ANKFY1: variants seen among roughly 807,000 people sequenced by gnomAD.
ANKFY1 encodes ankyrin repeat and FYVE domain containing 1.
Under a neutral mutation model 128.3 loss-of-function variants are expected in ANKFY1, and 47 were observed. That is an observed-to-expected ratio of 0.37 (90% CI 0.29 to 0.47). The LOEUF (loss-of-function observed/expected upper bound fraction) is 0.47, where lower values mean the gene tolerates loss of function less well. Ranked by LOEUF, ANKFY1 falls within the 20% of genes least tolerant of loss-of-function variation. The probability of loss-of-function intolerance (pLI) is 1.00; values close to 1 mark genes in which losing one functional copy is unlikely to be tolerated. For missense variants in ANKFY1, 1,222 were observed against 1,510.6 expected (o/e 0.81, Z 3.17); for synonymous variants, 553 against 601.6 (o/e 0.92, Z 1.18).
chr17:4,200,914 A>C (rs932248766), intron 7 of ANKFY1, among the ~76,000 whole-genome samples: 8 of 152,248 alleles, frequency 5.3e-5, no homozygotes, highest in Middle Eastern at 3.4e-3. Flanking sequence ...ATGGGGTTTC[A>C]GGAGTGGTAA....
At chr17:4,217,983 C>G (rs1258621743) in intron 3 of ANKFY1, among the ~76,000 whole-genome samples, 3 of 152,168 alleles carry the variant, frequency 2.0e-5, no homozygotes, top group African/African-American at 7.2e-5. Context: ...TTCACCCAGC[C>G]TGAGTTAACA....
intron 3 of ANKFY1, chr17:4,223,957 G>T: frequency 1.8e-6 from 1 of 549,716 alleles, no homozygotes; most frequent in Non-Finnish European, 3.2e-6. Flanking sequence ...TTTAGAATCT[G>T]AACTTTTTAA....
chr17:4,218,421 G>T lies in ANKFY1; in HGVS notation c.323-1303C>A, dbSNP rs143078776. 6.2e-3 allele frequency among the ~76,000 whole-genome samples: 940 copies of T among 152,256 alleles called. 5 individuals carry two copies. The highest frequency in any genetic ancestry group is 0.01 in the Middle Eastern group (3 of 294). On this transcript the variant is annotated intron_variant, in intron 3 of 24. Transcript: ENST00000341657. ...TCAACATAAGATATTTACTACATAG[G>T]CTTTTTGAAAAGTAGGCTAAAAATA...
chr17:4,197,613 CA>C (rs760783585), intron 7 of ANKFY1, 36 bp from the exon 8 acceptor site: 2 of 1,592,950 alleles, frequency 1.3e-6, no homozygotes, highest in Non-Finnish European at 1.7e-6. Context: ...AGTGTCAGGG[CA>C]AAGTATTCTG....
chr17:4,254,004 T>C (rs1967980285), intron 1 of ANKFY1, among the ~76,000 whole-genome samples: 2 of 152,220 alleles, frequency 1.3e-5, no homozygotes, highest in East Asian at 3.9e-4. Context: ...TGTTCATGTA[T>C]CCTTGTAAGA....
At chr17:4,204,605 G>A (rs2059989342) in intron 7 of ANKFY1, among the ~76,000 whole-genome samples, 1 of 152,160 alleles carries the variant, frequency 6.6e-6, no homozygotes, top group East Asian at 1.9e-4. Context: ...GGCAATTCTT[G>A]TATCTAAGCA....
At chr17:4,195,890 G>T (rs1406898825) in intron 8 of ANKFY1, among the ~76,000 whole-genome samples, 1 of 151,994 alleles carries the variant, frequency 6.6e-6, no homozygotes, top group African/African-American at 2.4e-5. Flanking sequence ...AAGAACTGAT[G>T]AAAGCGGCAT....
intron 1 of ANKFY1, among the ~76,000 whole-genome samples, chr17:4,254,402 A>C (rs1968009725): frequency 6.6e-6 from 1 of 151,862 alleles, no homozygotes; most frequent in African/African-American, 2.4e-5. Flanking sequence ...AGAAATTTGA[A>C]GATGCTGTCC....
At chr17:4,239,602 A>C (rs1598130747) in intron 2 of ANKFY1, among the ~76,000 whole-genome samples, 1 of 152,012 alleles carries the variant, frequency 6.6e-6, no homozygotes, top group African/African-American at 2.4e-5. Context: ...GCAGTGGCAC[A>C]ATCTCAGCTC....
At chr17:4,171,607 C>T (rs932235509) in intron 22 of ANKFY1, among the ~76,000 whole-genome samples, 2 of 152,182 alleles carry the variant, frequency 1.3e-5, no homozygotes, top group African/African-American at 4.8e-5. Context: ...CTCTGTAAAC[C>T]GGGGACCTCA....
chr17:4,228,598 G>C (rs1215764972), intron 3 of ANKFY1, among the ~76,000 whole-genome samples: 1 of 152,024 alleles, frequency 6.6e-6, no homozygotes, highest in African/African-American at 2.4e-5. Flanking sequence ...TGTATTTTTA[G>C]TAGAGATGGG....
At position 4,216,795 on chromosome 17, in the gene ANKFY1, C is replaced by G. The variant is rs899925939; in HGVS notation, c.458+188G>C. 6 of 734,594 alleles carry G rather than the reference C, an allele frequency of 8.2e-6. No individual in the cohort carries two copies. The African/African-American group carries it at 8.7e-5, about 11-fold the overall frequency. 45.5% of individuals were successfully genotyped at this position (734,594 alleles called of 1,614,324 possible). ...GTGAAAGAAAAGAGAATAGCAAAAG[C>G]TTTAGCAAAATTTAGCTACAAGATA... On this transcript the variant is annotated intron_variant, in intron 4 of 24. Coordinates refer to ENST00000341657, the MANE Select transcript of ANKFY1 (RefSeq NM_001330063.2).
intron 4 of ANKFY1, among the ~76,000 whole-genome samples, chr17:4,212,216 A>G (rs1274304904): frequency 6.6e-6 from 1 of 152,238 alleles, no homozygotes; most frequent in Non-Finnish European, 1.5e-5. Context: ...ATTTCCTGAC[A>G]TCCACCATTG....
At chr17:4,189,713 G>A (rs1309085773) in intron 10 of ANKFY1, among the ~76,000 whole-genome samples, 5 of 152,034 alleles carry the variant, frequency 3.3e-5, no homozygotes, top group Non-Finnish European at 7.4e-5. Flanking sequence ...GCCCACGCCA[G>A]ACAGTAGGCC....
intron 1 of ANKFY1, among the ~76,000 whole-genome samples, chr17:4,243,859 T>C (rs1017101912): frequency 6.6e-6 from 1 of 152,168 alleles, no homozygotes; most frequent in African/African-American, 2.4e-5. Context: ...CGCTGGGCGC[T>C]GCACGATGGT....
intron 2 of ANKFY1, among the ~76,000 whole-genome samples, chr17:4,239,748 A>C (rs1251052865): frequency 1.3e-5 from 2 of 152,114 alleles, no homozygotes; most frequent in African/African-American, 4.8e-5. Flanking sequence ...CATGTTGGTC[A>C]GTCTGGTCTC....
rs2143010964 is a variant in ANKFY1, at chr17:4,197,400, T to C, written c.1076A>G (p.Asn359Ser). ...CCCCTTGCTGTCCTGCATGTTGGGG[T>C]TGGCACCAGCCTGCAGAAGGGCCTC... The part of the protein sequence containing the change: ...IAEALLQAGA[N>S]PNMQDSKGRT... The change falls in exon 8 of 25, where the codon AAC (asparagine) becomes AGC (serine). Residue 359 changes from asparagine (N) to serine (S), a missense_variant. Physicochemically the swap from Asn to Ser is conservative, Grantham distance 46 (BLOSUM62 1). Transcript: ENST00000341657. 3 of 1,614,146 alleles carry C rather than the reference T, an allele frequency of 1.9e-6. No individual in the cohort carries two copies. Among genetic ancestry groups the C allele is most frequent in the Non-Finnish European group, 2.5e-6 (3 of 1,180,012 alleles).
rs2060337032 is a variant in ANKFY1 at position 4,222,300 on chromosome 17, C to T, written c.323-5182G>A. 36 of 688,246 alleles carry T rather than the reference C, an allele frequency of 5.2e-5. 1 individual carries two copies. The South Asian group carries it at 5.3e-4, about 10-fold the overall frequency. 42.6% of individuals were successfully genotyped at this position (688,246 alleles called of 1,614,324 possible). A position where few individuals can be genotyped will look rare whatever the true frequency, so the allele number is the denominator to read the frequency against. On this transcript the variant is annotated intron_variant, in intron 3 of 24. Coordinates refer to ENST00000341657, the MANE Select transcript of ANKFY1 (RefSeq NM_001330063.2). The stretch of plus-strand genomic sequence containing the variant: ...TCTACCTGAGTGAGGATGAGGTGCA[C>T]CGGCTGATCGGTCTTGATGCAGAAC...
intron 3 of ANKFY1, chr17:4,222,196 CCCGCGCCTGGCGCCG>C (rs2060331655): frequency 5.9e-6 from 1 of 169,802 alleles, no homozygotes; most frequent in Non-Finnish European, 1.2e-5. Flanking sequence ...ACCCCTGCTG[CCCGCGCCTGGCGCCG>C]CCGCCCCCGC....
Sources: allele counts gnomAD v4.1 joint callset (sites outside exome capture counted in the v4.1 genomes callset), GRCh38; gene constraint gnomAD v4.1.1; transcripts MANE v1.5; gene names NCBI Gene and HGNC (gene_info 2026-07-23, HGNC 2026-07-21).